Variants in IL19 observed in about 807,000 individuals in gnomAD.
IL19 encodes the protein interleukin 19, also known as interleukin-19.
A neutral mutation model predicts 19.5 loss-of-function variants in IL19; 15 were observed. That is an observed-to-expected ratio of 0.77 (90% CI 0.52 to 1.19). The LOEUF (loss-of-function observed/expected upper bound fraction) is 1.19. Among genes scored for constraint, IL19 ranks in the 50% most tolerant of loss-of-function variants. The pLI, the probability that IL19 is intolerant of heterozygous loss-of-function variation, is 0.00. For synonymous variants in IL19, 78 were observed against 78.3 expected, an observed-to-expected ratio of 1.00 and a Z score of 0.02; for missense variants, 199 against 213.1, an observed-to-expected ratio of 0.93 and a Z score of 0.41.
In IL19 at chr1:206,842,629, G is replaced by A; in HGVS notation, c.*7G>A. ...AGTAATGTTCTCAGCTTGATGACAA[G>A]GAACCTGTATAGTGATCCAGGGATG... On this transcript the variant is annotated 3_prime_UTR_variant, in exon 7 of 7. Transcript: ENST00000659997. 1 of 1,500,128 alleles carries A rather than the reference G, an allele frequency of 6.7e-7. No homozygotes were observed. Among genetic ancestry groups the A allele is most frequent in the Non-Finnish European group, 9.1e-7 (1 of 1,096,174 alleles). 92.9% of individuals were successfully genotyped at this position (1,500,128 alleles called of 1,614,324 possible). A position where few individuals can be genotyped will look rare whatever the true frequency, so the allele number is the denominator to read the frequency against.
At chr1:206,801,678 A>G (rs1037685003) in intron 2 of IL19, among the ~76,000 whole-genome samples, 11 of 152,314 alleles carry the variant, frequency 7.2e-5, no homozygotes, top group Non-Finnish European at 1.6e-4. Flanking sequence ...AGCACTTTTG[A>G]GTCACTTCTA....
At chr1:206,802,388 T>C (rs567867132) in intron 2 of IL19, among the ~76,000 whole-genome samples, 10 of 152,110 alleles carry the variant, frequency 6.6e-5, no homozygotes, top group Non-Finnish European at 1.3e-4. Flanking sequence ...CTGCCTTCCA[T>C]GTACCAAAAC....
intron 1 of IL19, chr1:206,772,331 G>A (rs1674876548): frequency 6.2e-7 from 1 of 1,614,218 alleles, no homozygotes; most frequent in Non-Finnish European, 8.5e-7. Context: ...TAGGCAGGTT[G>A]CCTGGGAAGT....
At chr1:206,809,219 G>A (rs981180022) in intron 2 of IL19, among the ~76,000 whole-genome samples, 1 of 152,192 alleles carries the variant, frequency 6.6e-6, no homozygotes, top group Non-Finnish European at 1.5e-5. Flanking sequence ...TTTGCTATCT[G>A]TGTAAACCCA....
In IL19 at chr1:206,839,956, G is replaced by T; in HGVS notation, c.317G>T (p.Ser106Ile). ...CCCAAAATCTTGAGAAAAATCAGCA[G>T]CATTGCCAACTCTTTCCTCTACATG... The part of the protein sequence containing the change: ...PNPKILRKIS[S>I]IANSFLYMQK... Residue 106 changes from serine to isoleucine, a missense_variant, in exon 5 of 7, where the codon AGC becomes ATC. Transcript: ENST00000659997. 1 of 1,614,176 alleles carries T rather than the reference G, an allele frequency of 6.2e-7. No individual in the cohort carries two copies. Among genetic ancestry groups the T allele is most frequent in the Non-Finnish European group, 8.5e-7 (1 of 1,180,020 alleles).
intron 1 of IL19, among the ~76,000 whole-genome samples, chr1:206,789,537 T>C (rs560428971): frequency 6.6e-6 from 1 of 152,176 alleles, no homozygotes; most frequent in Non-Finnish European, 1.5e-5. Context: ...TATGGCTGAG[T>C]GGTACTCCAT....
intron 1 of IL19, among the ~76,000 whole-genome samples, chr1:206,794,959 G>A (rs1487334258): frequency 1.3e-5 from 2 of 152,218 alleles, no homozygotes; most frequent in Non-Finnish European, 2.9e-5. Context: ...TTCAGGGCAG[G>A]ATGTGGGGTC....
chr1:206,781,707 G>A (rs982156817), intron 1 of IL19, among the ~76,000 whole-genome samples: 3 of 151,424 alleles, frequency 2.0e-5, no homozygotes, highest in African/African-American at 7.3e-5. Flanking sequence ...AGAAGGGAAA[G>A]GGAGTGGGTG....
chr1:206,795,916 T>G (rs1675509704), intron 1 of IL19, among the ~76,000 whole-genome samples: 2 of 144,282 alleles, frequency 1.4e-5, no homozygotes, highest in South Asian at 4.3e-4. Context: ...AGAACCAATA[T>G]AAATATATAT....
In IL19 at chr1:206,801,003, G is replaced by A. The variant is rs138307424; in HGVS notation, c.-3+1997G>A. 2.1e-3 allele frequency among the ~76,000 whole-genome samples: 317 copies of A among 152,304 alleles called. 1 individual carries two copies. Among genetic ancestry groups the A allele is most frequent in the African/African-American group, 7.1e-3 (297 of 41,562 alleles). On this transcript the variant is annotated intron_variant, in intron 2 of 6. Coordinates refer to ENST00000659997, the MANE Select transcript of IL19 (RefSeq NM_153758.5). The stretch of plus-strand genomic sequence containing the variant: ...GTCGTTGACCTCTGGCTTATGGAGC[G>A]AGATGGCTGCATGCTGAGATTCTGG...
At chr1:206,827,462 G>A (rs1676464778) in intron 2 of IL19, among the ~76,000 whole-genome samples, 1 of 152,124 alleles carries the variant, frequency 6.6e-6, no homozygotes, top group African/African-American at 2.4e-5. Flanking sequence ...AGGTCGAGGA[G>A]GGCGGATCAC....
In IL19 at chr1:206,770,958, C is replaced by T. The variant is rs750441744; in HGVS notation, c.-269C>T. 2.5e-6 allele frequency: 4 copies of T among 1,614,038 alleles called. No individual in the cohort carries two copies. In the African/African-American group the frequency reaches 4.0e-5, roughly 16 times the overall value. On this transcript the variant is annotated 5_prime_UTR_variant, in exon 1 of 7. Coordinates refer to ENST00000659997, the MANE Select transcript of IL19 (RefSeq NM_153758.5). ...TCTTCAGGTTCTCCCCCAGGGAGTTCACATGCGCCTTGATGTCTGGGTCTT... is the reference window on the plus strand; with the variant it reads ...TCTTCAGGTTCTCCCCCAGGGAGTTTACATGCGCCTTGATGTCTGGGTCTT...
chr1:206,839,657 C>T (rs1676931588), intron 4 of IL19, among the ~76,000 whole-genome samples, 193 bp from the exon 5 acceptor site: 1 of 152,178 alleles, frequency 6.6e-6, no homozygotes, highest in South Asian at 2.1e-4. Context: ...GAACTGGAAT[C>T]TCTTCTCACT....
intron 1 of IL19, among the ~76,000 whole-genome samples, chr1:206,788,950 A>G (rs1001440291): frequency 6.6e-6 from 1 of 152,150 alleles, no homozygotes; most frequent in Non-Finnish European, 1.5e-5. Context: ...TAGGCAGAGG[A>G]GCTTTCCTGG....
chr1:206,826,064 G>A (rs540044395), intron 2 of IL19, among the ~76,000 whole-genome samples: 15 of 152,160 alleles, frequency 9.9e-5, no homozygotes, highest in South Asian at 4.1e-4. Flanking sequence ...AGTCTGATAG[G>A]AGAGAGATTT....
At chr1:206,779,295 G>A (rs1173567726) in intron 1 of IL19, among the ~76,000 whole-genome samples, 1 of 151,988 alleles carries the variant, frequency 6.6e-6, no homozygotes, top group Non-Finnish European at 1.5e-5. Flanking sequence ...ACATCCTCAC[G>A]CCCTCACCTG....
chr1:206,824,191 G>C (rs762313329), intron 2 of IL19, among the ~76,000 whole-genome samples: 2 of 152,160 alleles, frequency 1.3e-5, no homozygotes, highest in African/African-American at 4.8e-5. Context: ...GAGGAGGCTC[G>C]GACGGAGTTA....
At chr1:206,837,107 C>T in intron 4 of IL19, 84 bp downstream of exon 4, 1 of 1,102,972 alleles carries the variant, frequency 9.1e-7, no homozygotes. Context: ...CCTACCTTGT[C>T]CCCTTCTCTT....
chr1:206,826,371 A>G (rs1354620722), intron 2 of IL19, among the ~76,000 whole-genome samples: 1 of 152,222 alleles, frequency 6.6e-6, no homozygotes, highest in Non-Finnish European at 1.5e-5. Flanking sequence ...AGTCTGAACT[A>G]CACCGCTGGC....
Sources: gnomAD v4.1 joint callset for allele counts (sites outside exome capture counted in the v4.1 genomes callset) on GRCh38, gnomAD v4.1.1 for gene constraint, MANE v1.5 for transcripts, NCBI Gene and HGNC (gene_info 2026-07-23, HGNC 2026-07-21) for gene names.